SLC25A39: variants seen among roughly 807,000 people sequenced by gnomAD.
SLC25A39 encodes the protein solute carrier family 25 member 39, also known as mitochondrial glutathione transporter SLC25A39.
A neutral mutation model predicts 46.6 loss-of-function variants in SLC25A39; 44 were observed. The ratio of observed to expected loss-of-function variants is 0.94; its 90% CI spans 0.74 to 1.21. SLC25A39 has a LOEUF of 1.21. SLC25A39 is among the 50% of genes most tolerant of loss of function. The probability of loss-of-function intolerance (pLI) is 0.00; values close to 1 mark genes in which losing one functional copy is unlikely to be tolerated. For synonymous variants in SLC25A39, 218 were observed against 190.6 expected (o/e 1.14, Z -1.19); for missense variants, 487 against 473.0 (o/e 1.03, Z -0.28).
chr17:44,321,358 G>T, intron 7 of SLC25A39, 76 bp downstream of exon 7: 1 of 1,604,710 alleles, frequency 6.2e-7, no homozygotes. Flanking sequence ...CAGAGGTTGG[G>T]GCTGGGAGCT....
rs2048075726 is a variant in SLC25A39 at position 44,322,416 on chromosome 17, C to T, written c.324+3G>A. The T allele has an allele frequency of 1.2e-6, 2 of 1,613,982 alleles. No homozygotes were observed. The highest frequency in any genetic ancestry group is 1.7e-6 in the Non-Finnish European group (2 of 1,179,998). On this transcript the variant is annotated splice_donor_region_variant and intron_variant, in intron 5 of 11. Coordinates refer to ENST00000377095, the MANE Select transcript of SLC25A39 (RefSeq NM_001143780.3). ...AATCCCTACGGACCCAGCTGCTCCTCACCATGGTGCCAGTGAAGCGGGTAG... is the reference window on the plus strand; with the variant it reads ...AATCCCTACGGACCCAGCTGCTCCTTACCATGGTGCCAGTGAAGCGGGTAG...
rs2047954094 is a variant in SLC25A39 at position 44,319,704 on chromosome 17, T to C, written c.*297A>G. The C allele has an allele frequency of 7.2e-6, 3 of 419,200 alleles. No homozygotes were observed. Among genetic ancestry groups the C allele is most frequent in the Admixed American group, 7.2e-5 (2 of 27,746 alleles). The allele number at this position is 419,200 out of a possible 1,614,324, so 26.0% of individuals were successfully genotyped here. A position where few individuals can be genotyped will look rare whatever the true frequency, so the allele number is the denominator to read the frequency against. ...ACCAGGCTGAGGGCTTCTTGGTTCCTGGAGACATGCCCAGCTACAGCAAAC... is the reference window on the plus strand; with the variant it reads ...ACCAGGCTGAGGGCTTCTTGGTTCCCGGAGACATGCCCAGCTACAGCAAAC... On this transcript the variant is annotated 3_prime_UTR_variant, in exon 12 of 12. Transcript: ENST00000377095.
At chr17:44,321,328 C>T in intron 7 of SLC25A39, 97 bp from the exon 8 acceptor site, 1 of 1,584,846 alleles carries the variant, frequency 6.3e-7, no homozygotes, top group Admixed American at 1.7e-5. Flanking sequence ...ACCTAGAACA[C>T]CCCCCTATCC....
intron 5 of SLC25A39, 72 bp downstream of exon 5, chr17:44,322,346 TG>T: frequency 6.3e-7 from 1 of 1,577,048 alleles, no homozygotes; most frequent in Non-Finnish European, 8.7e-7. Context: ...CCTTTACTCC[TG>T]GGTCTGCTGC....
At chr17:44,322,933 T>C in intron 3 of SLC25A39, 81 bp from the exon 4 acceptor site, 1 of 1,488,586 alleles carries the variant, frequency 6.7e-7, no homozygotes, top group Middle Eastern at 2.0e-4. Flanking sequence ...CTTTTTATTT[T>C]ATTTTTTGAG....
chr17:44,321,170 A>G lies in SLC25A39; in HGVS notation c.579T>C (p.His193=). The change falls in exon 8 of 12, where the codon CAT becomes CAC. Residue 193 remains histidine (H), a synonymous_variant. Transcript: ENST00000377095. ...AGGCACCCAGCTCCCGGTACGACAC[A>G]TGCTGAGCCTGCAGCTTTGTCCGCA... is the stretch of plus-strand genomic sequence containing the variant. ...ELMRTKLQAQ[H]VSYRELGACV... 6.2e-7 allele frequency: 1 copy of G among 1,613,120 alleles called. No homozygotes were observed. Among genetic ancestry groups the G allele is most frequent in the Non-Finnish European group, 8.5e-7 (1 of 1,179,930 alleles).
intron 5 of SLC25A39, 30 bp downstream of exon 5, chr17:44,322,389 C>T (rs1338806225): frequency 1.6e-5 from 26 of 1,613,362 alleles, no homozygotes; most frequent in East Asian, 2.2e-5. Context: ...CGGACACCGA[C>T]GAATCCCTAC....
intron 2 of SLC25A39, 39 bp downstream of exon 2, chr17:44,323,439 A>AAAACCCCCCCCC: frequency 3.9e-6 from 1 of 257,112 alleles, no homozygotes; most frequent in Non-Finnish European, 5.7e-6. Context: ...GGTCTGCCCC[A>AAAACCCCCCCCC]TCCCCACCCG....
At chr17:44,322,308 C>T (rs2048070695) in intron 5 of SLC25A39, 111 bp downstream of exon 5, 10 of 1,219,370 alleles carry the variant, frequency 8.2e-6, no homozygotes, top group Admixed American at 4.0e-5. Flanking sequence ...CTGACGGAAC[C>T]GGCTACCTCT....
chr17:44,322,584 G>A, intron 4 of SLC25A39, 32 bp from the exon 5 acceptor site: 4 of 1,610,118 alleles, frequency 2.5e-6, no homozygotes, highest in Non-Finnish European at 2.5e-6. Flanking sequence ...TATAATGACA[G>A]GATCCTAGAA....
In SLC25A39 at chr17:44,324,770, C is replaced by A. The variant is rs991228477; in HGVS notation, c.-75G>T. On this transcript the variant is annotated 5_prime_UTR_variant, in exon 1 of 12. Coordinates refer to ENST00000377095, the MANE Select transcript of SLC25A39 (RefSeq NM_001143780.3). ...CCAGGGTCAGGCGGGCCCATACCGG[C>A]TCCGCCGCCTGTGCGCGGTCCGCGC... 2 of 152,110 alleles carry A rather than the reference C, an allele frequency of 1.3e-5. No homozygotes were observed. The highest frequency in any genetic ancestry group is 6.6e-5 in the Admixed American group (1 of 15,266). 9.4% of individuals were successfully genotyped at this position (152,110 alleles called of 1,614,324 possible).
intron 2 of SLC25A39, 44 bp downstream of exon 2, chr17:44,323,434 G>GGGCCCCCCCCCCCCCCCCC: frequency 1.5e-6 from 2 of 1,367,902 alleles, no homozygotes; most frequent in East Asian, 2.5e-5. Context: ...TCTCCGGTCT[G>GGGCCCCCCCCCCCCCCCCC]CCCCATCCCC....
Position 44,322,813 on chromosome 17 carries a change from G to T in SLC25A39, c.185C>A (p.Thr62Asn). The T allele has an allele frequency of 6.2e-7, 1 of 1,614,044 alleles. No homozygotes were observed. Residue 62 changes from threonine (T) to asparagine (N), a missense_variant, in exon 4 of 12, where the codon ACC becomes AAC. By Grantham distance (65) the Thr-to-Asn change is moderately conservative. Transcript: ENST00000377095. ...PSSRLWSLSY[T>N]KLPSSLQSTG... ...CTGTGGCTTGGGGCACTCACATTTGGTATAGGAGAGGCTCCACAGTCTGGA... is the reference window on the plus strand; with the variant it reads ...CTGTGGCTTGGGGCACTCACATTTGTTATAGGAGAGGCTCCACAGTCTGGA...
rs568582596 is a variant in SLC25A39 at position 44,321,015 on chromosome 17, C to A, written c.691+43G>T. 9.1e-6 allele frequency: 14 copies of A among 1,544,412 alleles called. No individual in the cohort carries two copies. The African/African-American group carries it at 1.5e-4, about 17-fold the overall frequency. On this transcript the variant is annotated intron_variant, in intron 8 of 11. Transcript: ENST00000377095. ...TTGGCTGTAGACCCTTTGTGCATCACCCCAGGGTTCCCTCACCCACCCCCT... is the reference window on the plus strand; with the variant it reads ...TTGGCTGTAGACCCTTTGTGCATCAACCCAGGGTTCCCTCACCCACCCCCT...
Position 44,320,454 on chromosome 17 carries a change from G to C in SLC25A39, c.802-18C>G. ...GCAGCCACCTGGTGGGGTGGGCGGG[G>C]AGAGGGCTCAGCTCCACTTCCTGGA... On this transcript the variant is annotated intron_variant, in intron 9 of 11. Coordinates refer to ENST00000377095, the MANE Select transcript of SLC25A39 (RefSeq NM_001143780.3). 6.2e-7 allele frequency: 1 copy of C among 1,613,178 alleles called. No homozygotes were observed. The highest frequency in any genetic ancestry group is 1.1e-5 in the South Asian group (1 of 91,064).
chr17:44,322,921 A>T (rs1876503127), intron 3 of SLC25A39, 69 bp from the exon 4 acceptor site: 1 of 1,521,758 alleles, frequency 6.6e-7, no homozygotes, highest in Non-Finnish European at 9.0e-7. Flanking sequence ...TCTCTGGGAG[A>T]TCTTTTTATT....
At chr17:44,323,439 A>ACACCCC in intron 2 of SLC25A39, 39 bp downstream of exon 2, 2 of 257,108 alleles carry the variant, frequency 7.8e-6, no homozygotes, top group Non-Finnish European at 1.1e-5. Context: ...GGTCTGCCCC[A>ACACCCC]TCCCCACCCG....
chr17:44,320,589 C>T, intron 9 of SLC25A39, 33 bp downstream of exon 9: 1 of 1,598,604 alleles, frequency 6.3e-7, no homozygotes, highest in Non-Finnish European at 8.6e-7. Context: ...AGGGAGACCT[C>T]CGCTGGCCTC....
chr17:44,320,807 A>C, intron 8 of SLC25A39, 76 bp from the exon 9 acceptor site: 7 of 1,176,084 alleles, frequency 6.0e-6, no homozygotes, highest in Non-Finnish European at 8.7e-6. Flanking sequence ...TTTCACTGCC[A>C]CCACTCCCTC....
Sources: allele counts gnomAD v4.1 joint callset, GRCh38; gene constraint gnomAD v4.1.1; transcripts MANE v1.5; gene names NCBI Gene and HGNC (gene_info 2026-07-23, HGNC 2026-07-21).